The following IPO11 variants were observed in gnomAD, a reference collection of about 807,000 sequenced individuals.
The protein encoded by IPO11 is importin 11.
IPO11 carries 66 observed loss-of-function variants against 143.2 expected under a neutral mutation model. That is an observed-to-expected ratio of 0.46 (90% CI 0.38 to 0.57). IPO11 has a LOEUF of 0.57. Ranked by LOEUF, IPO11 falls within the 20% of genes least tolerant of loss-of-function variation. The pLI, the probability that IPO11 is intolerant of heterozygous loss-of-function variation, is 0.00. For synonymous variants in IPO11, 385 were observed against 377.8 expected (o/e 1.02, Z -0.22); for missense variants, 1,026 against 1,141.0 (o/e 0.90, Z 1.45).
intron 28 of IPO11, among the ~76,000 whole-genome samples, chr5:62,599,088 T>C (rs1358342886): frequency 6.6e-6 from 1 of 152,128 alleles, no homozygotes. Context: ...TTGTGAGACA[T>C]GCAGATTCTC....
intron 11 of IPO11, 116 bp from the exon 12 acceptor site, chr5:62,485,303 T>A: frequency 1.3e-6 from 1 of 773,690 alleles, no homozygotes; most frequent in Non-Finnish European, 2.2e-6. Context: ...CCCAAGGCTT[T>A]GCTCTTAATG....
At chr5:62,542,109 C>G (rs964329937) in intron 24 of IPO11, among the ~76,000 whole-genome samples, 4 of 151,044 alleles carry the variant, frequency 2.6e-5, no homozygotes, top group African/African-American at 9.7e-5. Flanking sequence ...GAGTTACGCT[C>G]TTGTTGCCCA....
intron 27 of IPO11, chr5:62,576,108 T>A (rs546613596): frequency 6.5e-6 from 1 of 154,478 alleles, no homozygotes; most frequent in East Asian, 1.9e-4. Context: ...AGTCACTTGT[T>A]GTTCTTTGCT....
chr5:62,545,179 T>C (rs191263256), intron 24 of IPO11, among the ~76,000 whole-genome samples: 4,310 of 152,228 alleles, frequency 0.028, 80 homozygotes, highest in Non-Finnish European at 0.04. Context: ...GGAGGCATCA[T>C]GCTACCTGAC....
chr5:62,517,180 A>T (rs1382332459), intron 20 of IPO11, among the ~76,000 whole-genome samples: 1 of 144,492 alleles, frequency 6.9e-6, no homozygotes, highest in African/African-American at 2.6e-5. Flanking sequence ...CCTGGGCGAC[A>T]GAGCAAGACT....
intron 27 of IPO11, among the ~76,000 whole-genome samples, chr5:62,583,663 A>T (rs1744649547): frequency 6.6e-6 from 1 of 152,146 alleles, no homozygotes; most frequent in Non-Finnish European, 1.5e-5. Context: ...CCCTTGAAAA[A>T]TGTTAGCCAG....
chr5:62,548,845 G>T (rs990751540), intron 24 of IPO11, among the ~76,000 whole-genome samples: 1 of 151,948 alleles, frequency 6.6e-6, no homozygotes, highest in Admixed American at 6.6e-5. Flanking sequence ...TGCTTTCAGT[G>T]TTTGTTTCTC....
chr5:62,568,529 G>A (rs544766507), intron 27 of IPO11, among the ~76,000 whole-genome samples: 12 of 122,762 alleles, frequency 9.8e-5, no homozygotes, highest in African/African-American at 3.9e-4. Flanking sequence ...GGTCGAGATT[G>A]TGCTACTGCA....
intron 28 of IPO11, among the ~76,000 whole-genome samples, chr5:62,596,727 C>G (rs1304891109): frequency 9.4e-6 from 1 of 106,926 alleles, no homozygotes; most frequent in Non-Finnish European, 2.1e-5. Flanking sequence ...ATCCTAGTGA[C>G]CTCCTTAGGA....
At chr5:62,446,307 AC>A (rs1744718915) in intron 3 of IPO11, among the ~76,000 whole-genome samples, 1 of 152,238 alleles carries the variant, frequency 6.6e-6, no homozygotes, top group Non-Finnish European at 1.5e-5. Context: ...ACTTTTACAC[AC>A]ATGTGCATTT....
intron 16 of IPO11, among the ~76,000 whole-genome samples, chr5:62,496,828 T>G (rs1741175667): frequency 6.6e-6 from 1 of 152,178 alleles, no homozygotes; most frequent in Non-Finnish European, 1.5e-5. Context: ...ATATTTCAAA[T>G]AAACCAAAAA....
intron 27 of IPO11, among the ~76,000 whole-genome samples, chr5:62,583,029 A>G (rs1194698394): frequency 6.6e-6 from 1 of 152,178 alleles, no homozygotes; most frequent in African/African-American, 2.4e-5. Context: ...TGCTTAGCTG[A>G]ATGCCTTTTT....
intron 29 of IPO11, among the ~76,000 whole-genome samples, chr5:62,604,193 A>G (rs1745613808): frequency 6.6e-5 from 10 of 152,052 alleles, no homozygotes; most frequent in Admixed American, 6.6e-4. Flanking sequence ...TTGAAATTAA[A>G]CTGTTTTGTG....
At chr5:62,479,418 A>G (rs999187088) in intron 9 of IPO11, among the ~76,000 whole-genome samples, 2 of 152,178 alleles carry the variant, frequency 1.3e-5, no homozygotes, top group East Asian at 1.9e-4. Context: ...GTGTCTTTAT[A>G]GTAGCATGAT....
At chr5:62,452,306 GT>G (rs1464794862) in intron 5 of IPO11, among the ~76,000 whole-genome samples, 1 of 151,226 alleles carries the variant, frequency 6.6e-6, no homozygotes, top group Non-Finnish European at 1.5e-5. Flanking sequence ...AATGACTATA[GT>G]TTTACTTCTG....
intron 26 of IPO11, 91 bp from the exon 27 acceptor site, chr5:62,561,045 C>T: frequency 8.7e-7 from 1 of 1,149,014 alleles, no homozygotes; most frequent in Middle Eastern, 2.1e-4. Flanking sequence ...GAATTTTAAC[C>T]ATGACTTATG....
At chr5:62,545,375 C>A (rs577664962) in intron 24 of IPO11, among the ~76,000 whole-genome samples, 12 of 152,218 alleles carry the variant, frequency 7.9e-5, no homozygotes, top group African/African-American at 2.9e-4. Flanking sequence ...ATAAATGGTG[C>A]TGGGAAAACT....
intron 27 of IPO11, among the ~76,000 whole-genome samples, chr5:62,570,240 A>G (rs1020509689): frequency 1.3e-5 from 2 of 152,188 alleles, no homozygotes; most frequent in Non-Finnish European, 2.9e-5. Context: ...TTGAAGGGTT[A>G]TAATCATTTA....
intron 26 of IPO11, among the ~76,000 whole-genome samples, chr5:62,559,168 C>T (rs1743681384): frequency 1.3e-5 from 2 of 152,040 alleles, no homozygotes; most frequent in South Asian, 4.1e-4. Flanking sequence ...GTGGCTGTGG[C>T]AGTTTCTTAA....
Sources: allele counts gnomAD v4.1 joint callset (sites outside exome capture counted in the v4.1 genomes callset), GRCh38; gene constraint gnomAD v4.1.1; transcripts MANE v1.5; gene names NCBI Gene and HGNC (gene_info 2026-07-23, HGNC 2026-07-21).